Variants in SMYD3 observed in about 807,000 individuals in gnomAD.
SMYD3 encodes the protein SET and MYND domain containing 3, also known as histone-lysine N-methyltransferase SMYD3.
Under a neutral mutation model 57.7 loss-of-function variants are expected in SMYD3, and 36 were observed. That is an observed-to-expected ratio of 0.62 (90% confidence interval 0.48 to 0.82). The LOEUF (loss-of-function observed/expected upper bound fraction) is 0.82. Ranked by LOEUF, SMYD3 falls within the 40% of genes least tolerant of loss-of-function variation. SMYD3 has a pLI of 0.00. For synonymous variants in SMYD3, 211 were observed against 195.0 expected, an observed-to-expected ratio of 1.08 and a Z score of -0.68; for missense variants, 515 against 538.8, an observed-to-expected ratio of 0.96 and a Z score of 0.44.
chr1:245,756,201 A>G (rs894245547), intron 11 of SMYD3, among the ~76,000 whole-genome samples: 1 of 150,288 alleles, frequency 6.7e-6, no homozygotes, highest in Non-Finnish European at 1.5e-5. Flanking sequence ...ATATATATGT[A>G]TATAACTTAT....
intron 7 of SMYD3, among the ~76,000 whole-genome samples, chr1:245,918,344 T>G (rs1370167374): frequency 6.6e-6 from 1 of 152,216 alleles, no homozygotes; most frequent in Non-Finnish European, 1.5e-5. Flanking sequence ...CTTTTTACTT[T>G]TACATGGCTG....
At chr1:246,493,653 T>A (rs144111536) in intron 1 of SMYD3, among the ~76,000 whole-genome samples, 2 of 152,262 alleles carry the variant, frequency 1.3e-5, no homozygotes, top group East Asian at 1.9e-4. Flanking sequence ...AGCAGTAGTA[T>A]CACCACTATT....
chr1:246,092,967 T>C (rs901254036), intron 5 of SMYD3, among the ~76,000 whole-genome samples: 1 of 150,848 alleles, frequency 6.6e-6, no homozygotes, highest in African/African-American at 2.4e-5. Context: ...ATAAACTGAA[T>C]AGACATTTTT....
chr1:245,947,050 C>T (rs1314991749), intron 5 of SMYD3, among the ~76,000 whole-genome samples: 3 of 152,148 alleles, frequency 2.0e-5, no homozygotes, highest in Non-Finnish European at 4.4e-5. Flanking sequence ...CCCTGGGAGG[C>T]GGGCTGGCCT....
chr1:246,473,240 C>T (rs7524793), intron 1 of SMYD3, among the ~76,000 whole-genome samples: 4,978 of 152,130 alleles, frequency 0.033, 228 homozygotes, highest in African/African-American at 0.1. Context: ...TCTGGCAATA[C>T]GAGAAACTAT....
At chr1:245,913,426 G>A (rs2055161548) in intron 8 of SMYD3, among the ~76,000 whole-genome samples, 1 of 151,858 alleles carries the variant, frequency 6.6e-6, no homozygotes, top group Non-Finnish European at 1.5e-5. Context: ...ACAAGTTAAT[G>A]GGTGCAGCAC....
chr1:246,100,025 T>C (rs1289276193), intron 5 of SMYD3, among the ~76,000 whole-genome samples: 1 of 152,190 alleles, frequency 6.6e-6, no homozygotes, highest in Non-Finnish European at 1.5e-5. Flanking sequence ...ATATTCACTC[T>C]TCTTAATTGT....
At position 246,307,569 on chromosome 1, in the gene SMYD3, G is replaced by A. The variant is rs538701046; in HGVS notation, c.531+19632C>T. ...CGAGTAGCTGGGACTACAGGCGCCC[G>A]CCACCACGCCCGGCTAATTTTTTGT... On this transcript the variant is annotated intron_variant, in intron 5 of 11. Transcript: ENST00000490107. Among the ~76,000 whole-genome samples, 388 of 151,536 alleles carry A rather than the reference G, an allele frequency of 2.6e-3. 2 individuals are homozygous for A. The highest frequency in any genetic ancestry group is 8.9e-3 in the African/African-American group (368 of 41,384).
intron 1 of SMYD3, among the ~76,000 whole-genome samples, chr1:246,449,386 T>G (rs759573218): frequency 7.9e-5 from 12 of 152,230 alleles, no homozygotes; most frequent in Non-Finnish European, 1.3e-4. Context: ...CCTCATTTAT[T>G]TCCACAACCA....
chr1:246,451,209 T>C (rs965010184), intron 1 of SMYD3, among the ~76,000 whole-genome samples: 2 of 152,220 alleles, frequency 1.3e-5, no homozygotes, highest in African/African-American at 4.8e-5. Context: ...ACTGACAAGA[T>C]TCTGGGATTA....
chr1:245,933,777 G>C (rs1358432151), intron 5 of SMYD3, among the ~76,000 whole-genome samples: 1 of 152,114 alleles, frequency 6.6e-6, no homozygotes, highest in Non-Finnish European at 1.5e-5. Flanking sequence ...AGGACTAAAG[G>C]CTTTGTATTG....
chr1:245,806,343 TA>T (rs1267799057), intron 10 of SMYD3, among the ~76,000 whole-genome samples: 2 of 152,236 alleles, frequency 1.3e-5, no homozygotes, highest in Admixed American at 6.5e-5. Context: ...TCCATATTGC[TA>T]GGATTTGTCT....
intron 1 of SMYD3, among the ~76,000 whole-genome samples, chr1:246,506,638 C>T (rs1242959821): frequency 6.6e-6 from 1 of 152,194 alleles, no homozygotes; most frequent in African/African-American, 2.4e-5. Context: ...CTGATTTATA[C>T]TCATCCCAGC....
chr1:246,366,724 A>G (rs998645957), intron 1 of SMYD3, among the ~76,000 whole-genome samples: 1 of 152,004 alleles, frequency 6.6e-6, no homozygotes, highest in Admixed American at 6.6e-5. Flanking sequence ...TCACGAGGTC[A>G]GGAGTTTGAG....
intron 5 of SMYD3, among the ~76,000 whole-genome samples, chr1:246,184,143 C>T (rs904141543): frequency 1.3e-5 from 2 of 152,088 alleles, no homozygotes; most frequent in African/African-American, 4.8e-5. Context: ...GCAGTAAAGG[C>T]AGTAGGTAGA....
At chr1:246,351,051 T>G (rs2065814021) in intron 2 of SMYD3, among the ~76,000 whole-genome samples, 1 of 152,224 alleles carries the variant, frequency 6.6e-6, no homozygotes, top group Non-Finnish European at 1.5e-5. Flanking sequence ...ACCAGCCTAT[T>G]AAATCACTCT....
intron 1 of SMYD3, among the ~76,000 whole-genome samples, chr1:246,458,250 C>G (rs928168556): frequency 2.6e-5 from 4 of 151,912 alleles, no homozygotes; most frequent in Non-Finnish European, 5.9e-5. Flanking sequence ...GAAGAAAGGT[C>G]AAAAGGCAAA....
chr1:245,856,263 T>C (rs977739591), intron 10 of SMYD3, among the ~76,000 whole-genome samples: 4 of 152,258 alleles, frequency 2.6e-5, no homozygotes, highest in Admixed American at 1.3e-4. Flanking sequence ...GGTTTATTTA[T>C]AGCCTTTTCC....
chr1:246,121,483 T>C (rs1225880128), intron 5 of SMYD3, among the ~76,000 whole-genome samples: 3 of 150,566 alleles, frequency 2.0e-5, no homozygotes, highest in African/African-American at 7.3e-5. Flanking sequence ...ATTATAACTG[T>C]AATCTTTTAA....
Sources: gnomAD v4.1 joint callset for allele counts (sites outside exome capture counted in the v4.1 genomes callset) on GRCh38, gnomAD v4.1.1 for gene constraint, MANE v1.5 for transcripts, NCBI Gene and HGNC (gene_info 2026-07-23, HGNC 2026-07-21) for gene names.